Variants in BMPR2 observed in about 807,000 individuals in gnomAD.
BMPR2 encodes the protein bone morphogenetic protein receptor type 2.
BMPR2 carries 29 observed loss-of-function variants against 100.8 expected under a neutral mutation model. That is an observed-to-expected ratio of 0.29 (90% CI 0.21 to 0.39). BMPR2 has a LOEUF of 0.39. BMPR2 is among the 10% of genes least tolerant of loss of function. The pLI is 1.00. For missense variants in BMPR2, 1,011 were observed against 1,274.5 expected, an observed-to-expected ratio of 0.79 and a Z score of 3.15; for synonymous variants, 382 against 442.3, an observed-to-expected ratio of 0.86 and a Z score of 1.71.
intron 1 of BMPR2, among the ~76,000 whole-genome samples, chr2:202,394,881 CT>C (rs1030879050): frequency 1.1e-4 from 10 of 95,150 alleles, no homozygotes; most frequent in African/African-American, 3.3e-4. Context: ...AAAGTCTTTA[CT>C]TTTTTTTATT....
intron 1 of BMPR2, among the ~76,000 whole-genome samples, chr2:202,427,501 A>G (rs1318246327): frequency 6.6e-6 from 1 of 151,956 alleles, no homozygotes; most frequent in Non-Finnish European, 1.5e-5. Flanking sequence ...AAAGAAAAAA[A>G]AAAAACAAGA....
chr2:202,382,809 T>G (rs916009358), intron 1 of BMPR2, among the ~76,000 whole-genome samples: 1 of 152,206 alleles, frequency 6.6e-6, no homozygotes. Context: ...TAACATAGTT[T>G]TCTTACTTGT....
At chr2:202,391,909 G>A (rs1690558331) in intron 1 of BMPR2, among the ~76,000 whole-genome samples, 1 of 148,566 alleles carries the variant, frequency 6.7e-6, no homozygotes, top group Non-Finnish European at 1.5e-5. Flanking sequence ...CTACAGGCGC[G>A]CGCCACCACG....
intron 3 of BMPR2, 106 bp downstream of exon 3, chr2:202,467,795 A>C: frequency 3.5e-6 from 4 of 1,144,950 alleles, no homozygotes; most frequent in Non-Finnish European, 5.2e-6. Flanking sequence ...GTGATGGCTC[A>C]TGCCTGTAAT....
chr2:202,433,640 T>A (rs905247949), intron 1 of BMPR2, among the ~76,000 whole-genome samples: 1 of 150,690 alleles, frequency 6.6e-6, no homozygotes, highest in Non-Finnish European at 1.5e-5. Flanking sequence ...CCGGGCATGA[T>A]GGCTCATGCC....
chr2:202,458,606 C>A (rs564287298), intron 1 of BMPR2, among the ~76,000 whole-genome samples: 1 of 152,204 alleles, frequency 6.6e-6, no homozygotes. Context: ...CTGAGTTTAA[C>A]AGATCTTTAG....
At chr2:202,406,790 C>A (rs931860228) in intron 1 of BMPR2, among the ~76,000 whole-genome samples, 7 of 152,146 alleles carry the variant, frequency 4.6e-5, no homozygotes, top group Non-Finnish European at 1.0e-4. Context: ...TGCTACTGTG[C>A]CCTGGCTGCT....
intron 3 of BMPR2, among the ~76,000 whole-genome samples, chr2:202,476,258 C>T (rs111801043): frequency 7.6e-6 from 1 of 130,878 alleles, no homozygotes; most frequent in Non-Finnish European, 1.6e-5. Context: ...ATTTCCAATT[C>T]CATGTGTCCC....
At chr2:202,436,584 T>C (rs1177254049) in intron 1 of BMPR2, among the ~76,000 whole-genome samples, 1 of 150,804 alleles carries the variant, frequency 6.6e-6, no homozygotes, top group Non-Finnish European at 1.5e-5. Flanking sequence ...GCATGGCCTA[T>C]CTTTTGAATT....
chr2:202,467,548 G>A lies in BMPR2; in HGVS notation c.277G>A (p.Glu93Lys). ...GCWSHIGDPQECHYEECVVTT... is the reference protein window; with the variant it reads ...GCWSHIGDPQKCHYEECVVTT... ...TTGGTCTCACATTGGAGATCCCCAA[G>A]AGTGTCACTATGAAGAATGTGTAGT... Residue 93 changes from glutamate (E) to lysine (K), a missense_variant, in exon 3 of 13, where the codon GAG becomes AAG. Physicochemically the swap from Glu to Lys is moderately conservative, Grantham distance 56 (BLOSUM62 1). Transcript: ENST00000374580. 6.4e-7 allele frequency: 1 copy of A among 1,565,674 alleles called. No individual in the cohort carries two copies. Among genetic ancestry groups the A allele is most frequent in the Non-Finnish European group, 8.8e-7 (1 of 1,136,074 alleles).
intron 1 of BMPR2, among the ~76,000 whole-genome samples, chr2:202,453,540 GAAA>G (rs965063281): frequency 3.9e-5 from 6 of 152,168 alleles, no homozygotes; most frequent in African/African-American, 1.4e-4. Flanking sequence ...TATGTTAAGT[GAAA>G]TAAGCTAGGC....
chr2:202,534,467 G>T (rs1469443981), intron 9 of BMPR2, among the ~76,000 whole-genome samples: 1 of 151,762 alleles, frequency 6.6e-6, no homozygotes, highest in East Asian at 1.9e-4. Flanking sequence ...GACTCTTAAC[G>T]AGCATGCTGC....
At chr2:202,430,349 C>T (rs966767943) in intron 1 of BMPR2, among the ~76,000 whole-genome samples, 7 of 152,308 alleles carry the variant, frequency 4.6e-5, no homozygotes, top group African/African-American at 1.7e-4. Flanking sequence ...TTATGATTCA[C>T]TGTTTACATG....
At chr2:202,520,706 CT>C (rs1687805037) in intron 7 of BMPR2, 1 of 156,916 alleles carries the variant, frequency 6.4e-6, no homozygotes, top group East Asian at 1.9e-4. Flanking sequence ...TAGAATCCCC[CT>C]GCCATATGAC....
In BMPR2 at chr2:202,532,246, G is replaced by C. The variant is rs532865247; in HGVS notation, c.1129-339G>C. On this transcript the variant is annotated intron_variant, in intron 8 of 12. Transcript: ENST00000374580. This position sits in a 1 kb window ranked among gnomAD's most constrained non-coding sequence, Gnocchi z 4.1. Reference sequence around the variant, plus strand: ...ATGAGCCACTGCACCCGGCCACCCAGCTGTATTTTTGTGAATTTTAAAAAA... The same window carrying C: ...ATGAGCCACTGCACCCGGCCACCCACCTGTATTTTTGTGAATTTTAAAAAA... Among the ~76,000 whole-genome samples, 11 of 151,942 alleles carry C rather than the reference G, an allele frequency of 7.2e-5. No individual in the cohort carries two copies. Among genetic ancestry groups the C allele is most frequent in the African/African-American group, 2.7e-4 (11 of 41,452 alleles).
In BMPR2 at chr2:202,504,678, C is replaced by CTTTTTTTTTTTTTTTTTTTTTTTTTTTTT. The variant is rs144161668; in HGVS notation, c.419-9020_419-9019insTTTTTTTTTTTTTTTTTTTTTTTTTTTTT. The stretch of plus-strand genomic sequence containing the variant: ...CAGGAGTTTTCCATCATAGTAGATT[C>CTTTTTTTTTTTTTTTTTTTTTTTTTTTTT]TTTTTTTTTTTTTTTTTTTTTGAGA... On this transcript the variant is annotated intron_variant, in intron 3 of 12. Coordinates refer to ENST00000374580, the MANE Select transcript of BMPR2 (RefSeq NM_001204.7). Among the ~76,000 whole-genome samples, 2 of 112,474 alleles carry CTTTTTTTTTTTTTTTTTTTTTTTTTTTTT rather than the reference C, an allele frequency of 1.8e-5. 1 individual carries two copies. Among genetic ancestry groups the CTTTTTTTTTTTTTTTTTTTTTTTTTTTTT allele is most frequent in the Non-Finnish European group, 3.6e-5 (2 of 55,636 alleles). 73.8% of individuals were successfully genotyped at this position (112,474 alleles called of 152,430 possible).
At chr2:202,480,103 T>G (rs1692629874) in intron 3 of BMPR2, among the ~76,000 whole-genome samples, 1 of 152,006 alleles carries the variant, frequency 6.6e-6, no homozygotes, top group Non-Finnish European at 1.5e-5. Flanking sequence ...TCTTTTTTTA[T>G]TTTGTCACTC....
chr2:202,479,478 C>T (rs1200743804), intron 3 of BMPR2, among the ~76,000 whole-genome samples: 1 of 152,026 alleles, frequency 6.6e-6, no homozygotes, highest in Non-Finnish European at 1.5e-5. Context: ...AAAAGTAGAG[C>T]AGTTTAGGTT....
At chr2:202,462,676 C>T (rs1011991488) in intron 1 of BMPR2, among the ~76,000 whole-genome samples, 6 of 150,722 alleles carry the variant, frequency 4.0e-5, no homozygotes, top group African/African-American at 1.5e-4. Context: ...CTGAACTATC[C>T]ACAGGCCCTT....
Sources: allele counts gnomAD v4.1 joint callset (sites outside exome capture counted in the v4.1 genomes callset), GRCh38; gene constraint gnomAD v4.1.1; non-coding constraint Gnocchi (gnomAD v3.1); transcripts MANE v1.5; gene names NCBI Gene and HGNC (gene_info 2026-07-23, HGNC 2026-07-21).